The following PTER variants were observed in gnomAD, a reference collection of about 807,000 sequenced individuals.
PTER encodes the protein phosphotriesterase related, also known as N-acetyltaurine hydrolase.
In PTER, 38 loss-of-function variants were observed where a neutral mutation model predicts 29.6. The ratio of observed to expected loss-of-function variants is 1.28; its 90% CI spans 0.99 to 1.68. PTER has a LOEUF of 1.68. Ranked by LOEUF, PTER falls within the 40% of genes most tolerant of loss-of-function variation. The pLI, the probability that PTER is intolerant of heterozygous loss-of-function variation, is 0.00. For synonymous variants in PTER, 172 were observed against 154.5 expected (o/e 1.11, Z -0.84); for missense variants, 482 against 427.8 (o/e 1.13, Z -1.12).
chr10:16,478,370 G>C (rs543521558), intron 1 of PTER, among the ~76,000 whole-genome samples: 23 of 131,988 alleles, frequency 1.7e-4, no homozygotes, highest in Non-Finnish European at 3.1e-4. Context: ...TGTTGCTCTT[G>C]TTGCCCAGGC....
At chr10:16,501,515 G>A (rs951394298) in intron 3 of PTER, among the ~76,000 whole-genome samples, 1 of 152,022 alleles carries the variant, frequency 6.6e-6, no homozygotes, top group Non-Finnish European at 1.5e-5. Context: ...GTTACCCTCT[G>A]ACTTAGCAGT....
Position 16,466,417 on chromosome 10 carries a change from A to G in PTER, c.-48-17920A>G, listed in dbSNP as rs562302958. Among the ~76,000 whole-genome samples, 49 of 152,166 alleles carry G rather than the reference A, an allele frequency of 3.2e-4. 1 individual carries two copies. In the South Asian group the frequency reaches 7.5e-3, roughly 23 times the overall value. Reference sequence around the variant, plus strand: ...GTCACCCAGGTTGCAGTGCAGTGGCACCATCTCAGCTCACTGCAACCTCCG... The same window carrying G: ...GTCACCCAGGTTGCAGTGCAGTGGCGCCATCTCAGCTCACTGCAACCTCCG... On this transcript the variant is annotated intron_variant, in intron 1 of 4. Coordinates refer to ENST00000535784, the MANE Select transcript of PTER (RefSeq NM_001261836.2).
chr10:16,453,617 A>G (rs1834291083), intron 1 of PTER, among the ~76,000 whole-genome samples: 2 of 152,236 alleles, frequency 1.3e-5, no homozygotes, highest in African/African-American at 4.8e-5. Flanking sequence ...GTTAGTAATA[A>G]TCTGTTGTTT....
intron 1 of PTER, among the ~76,000 whole-genome samples, chr10:16,470,645 G>A (rs1026204201): frequency 5.3e-5 from 8 of 152,194 alleles, no homozygotes; most frequent in Non-Finnish European, 8.8e-5. Context: ...GCGGGTGCCC[G>A]TAATCCCAGC....
At chr10:16,462,318 TGA>T (rs1834643435) in intron 1 of PTER, among the ~76,000 whole-genome samples, 1 of 152,096 alleles carries the variant, frequency 6.6e-6, no homozygotes, top group Non-Finnish European at 1.5e-5. Flanking sequence ...GTGGTTGGAT[TGA>T]GAGAGCAGTG....
At chr10:16,466,053 A>G (rs6602119) in intron 1 of PTER, among the ~76,000 whole-genome samples, 92,290 of 151,824 alleles carry the variant, frequency 0.61, 28,888 homozygotes, top group East Asian at 0.81. Context: ...TGGGGACGTG[A>G]AGCCAAACCA....
chr10:16,508,851 C>T (rs1356131739), intron 4 of PTER, among the ~76,000 whole-genome samples: 1 of 152,148 alleles, frequency 6.6e-6, no homozygotes, highest in African/African-American at 2.4e-5. Flanking sequence ...CACTGTCTTG[C>T]ACACTTGATT....
At position 16,462,621 on chromosome 10, in the gene PTER, A is replaced by G. The variant is rs190887756; in HGVS notation, c.-48-21716A>G. 6.4e-5 allele frequency among the ~76,000 whole-genome samples: 9 copies of G among 140,250 alleles called. No homozygotes were observed. The East Asian group carries it at 1.7e-3, about 27-fold the overall frequency. 92.0% of individuals were successfully genotyped at this position (140,250 alleles called of 152,430 possible). On this transcript the variant is annotated intron_variant, in intron 1 of 4. Coordinates refer to ENST00000535784, the MANE Select transcript of PTER (RefSeq NM_001261836.2). Reference sequence around the variant, plus strand: ...AGTCTCGCTCTGTTGACCAGGCTGGAGTGCAGTGATGCAATCTTAGCGCTC... The same window carrying G: ...AGTCTCGCTCTGTTGACCAGGCTGGGGTGCAGTGATGCAATCTTAGCGCTC...
chr10:16,471,963 T>G (rs527277548), intron 1 of PTER, among the ~76,000 whole-genome samples: 5 of 152,350 alleles, frequency 3.3e-5, no homozygotes, highest in African/African-American at 1.2e-4. Flanking sequence ...TTTGCACTTT[T>G]GCCAGCGTGT....
chr10:16,504,170 A>G (rs1312871727), intron 3 of PTER, among the ~76,000 whole-genome samples: 3 of 151,734 alleles, frequency 2.0e-5, no homozygotes, highest in African/African-American at 7.3e-5. Flanking sequence ...TTGGATCTCT[A>G]CAGTGGTATT....
In PTER at chr10:16,452,220, C is replaced by T. The variant is rs911229487; in HGVS notation, c.-49+15173C>T. On this transcript the variant is annotated intron_variant, in intron 1 of 4. Transcript: ENST00000535784. ...ACACACACACACACACACACACACA[C>T]ATATATATACATATACATATATATA... Among the ~76,000 whole-genome samples, 159 of 145,030 alleles carry T rather than the reference C, an allele frequency of 1.1e-3. 2 individuals are homozygous for T. The highest frequency in any genetic ancestry group is 4.0e-3 in the African/African-American group (143 of 35,920).
intron 4 of PTER, among the ~76,000 whole-genome samples, chr10:16,508,357 C>A (rs751861826): frequency 4.9e-4 from 74 of 152,196 alleles, no homozygotes; most frequent in African/African-American, 1.7e-3. Context: ...TGTGAGCCAC[C>A]GCGCCCGGCC....
At chr10:16,472,043 G>A (rs922127020) in intron 1 of PTER, among the ~76,000 whole-genome samples, 2 of 152,142 alleles carry the variant, frequency 1.3e-5, no homozygotes, top group African/African-American at 4.8e-5. Context: ...CAATGAACGG[G>A]CTGGATTTGT....
chr10:16,472,768 A>G (rs1156532738), intron 1 of PTER, among the ~76,000 whole-genome samples: 1 of 152,186 alleles, frequency 6.6e-6, no homozygotes, highest in Admixed American at 6.5e-5. Flanking sequence ...TGAAATTTGA[A>G]CAGTTTTCTA....
intron 1 of PTER, among the ~76,000 whole-genome samples, chr10:16,453,370 A>ACATATATATAATACATATATG (rs1834283029): frequency 6.6e-6 from 1 of 152,320 alleles, no homozygotes; most frequent in South Asian, 2.1e-4. Context: ...ACACATATAT[A>ACATATATATAATACATATATG]CATATATATA....
intron 1 of PTER, among the ~76,000 whole-genome samples, chr10:16,468,746 G>A (rs1834936782): frequency 6.6e-6 from 1 of 152,074 alleles, no homozygotes; most frequent in Non-Finnish European, 1.5e-5. Flanking sequence ...GGCCAAGGTG[G>A]GAGGATCCCT....
intron 3 of PTER, among the ~76,000 whole-genome samples, chr10:16,504,474 G>A (rs1198531360): frequency 6.6e-6 from 1 of 152,036 alleles, no homozygotes. Context: ...AGAAAATGTG[G>A]GAATGATATT....
chr10:16,503,694 C>A (rs1370542346), intron 3 of PTER, among the ~76,000 whole-genome samples: 1 of 152,100 alleles, frequency 6.6e-6, no homozygotes, highest in Non-Finnish European at 1.5e-5. Context: ...GTGTGAGCCA[C>A]CACACCCAGC....
At chr10:16,506,703 G>A (rs979647022) in intron 4 of PTER, among the ~76,000 whole-genome samples, 1 of 152,062 alleles carries the variant, frequency 6.6e-6, no homozygotes, top group Non-Finnish European at 1.5e-5. Flanking sequence ...GGAAACAGGA[G>A]ACTGAGGACA....
Sources: allele counts gnomAD v4.1 joint callset (sites outside exome capture counted in the v4.1 genomes callset), GRCh38; gene constraint gnomAD v4.1.1; transcripts MANE v1.5; gene names NCBI Gene and HGNC (gene_info 2026-07-23, HGNC 2026-07-21).